Variants in KLC4 observed in about 807,000 individuals in gnomAD.
KLC4 encodes the protein kinesin light chain 4.
Under a neutral mutation model 77.2 loss-of-function variants are expected in KLC4, and 49 were observed. The observed-to-expected ratio is 0.63, with a 90% CI of 0.50 to 0.80. The LOEUF (loss-of-function observed/expected upper bound fraction) is 0.80, where lower values mean the gene tolerates loss of function less well. Among genes scored for constraint, KLC4 ranks in the 30% least tolerant of loss-of-function variants. KLC4 has a pLI of 0.00. For missense variants in KLC4, 669 were observed against 793.5 expected, an observed-to-expected ratio of 0.84 and a Z score of 1.89; for synonymous variants, 274 against 314.5, an observed-to-expected ratio of 0.87 and a Z score of 1.36.
At chr6:43,071,700 C>T in intron 10 of KLC4, 81 bp downstream of exon 10, 1 of 1,499,978 alleles carries the variant, frequency 6.7e-7, no homozygotes, top group Middle Eastern at 2.0e-4. Flanking sequence ...TAGCCCAACT[C>T]TCACTTCCCA....
intron 3 of KLC4, 81 bp from the exon 4 acceptor site, chr6:43,065,539 A>C: frequency 1.1e-6 from 1 of 923,606 alleles, no homozygotes; most frequent in Non-Finnish European, 1.8e-6. Flanking sequence ...TCTGTCTGTG[A>C]TTTCATGGCT....
chr6:43,064,547 T>C (rs1765321304), intron 3 of KLC4, among the ~76,000 whole-genome samples: 1 of 151,998 alleles, frequency 6.6e-6, no homozygotes, highest in Admixed American at 6.6e-5. Context: ...AACAAAAAAA[T>C]AGAGGAAGCA....
intron 8 of KLC4, 75 bp from the exon 9 acceptor site, chr6:43,071,200 T>TAA (rs540602192): frequency 5.0e-4 from 322 of 644,290 alleles, no homozygotes; most frequent in Non-Finnish European, 6.0e-4. Context: ...AGACCTTGTC[T>TAA]AAAAAAAAAA....
chr6:43,063,240 C>A, intron 3 of KLC4, 93 bp downstream of exon 3: 1 of 915,232 alleles, frequency 1.1e-6, no homozygotes, highest in Non-Finnish European at 1.7e-6. Context: ...CAGGGTCCAT[C>A]AGCTCTACCC....
rs374850475 is a variant in KLC4 at position 43,061,633 on chromosome 6, T to C, written c.258+40T>C. ...GTGGTGCCAAGTGGTCCAGGGTGGA[T>C]GGAGGAGCAGTTATCTGATTAAAGG... On this transcript the variant is annotated intron_variant, in intron 2 of 15. Transcript: ENST00000347162. 33 of 1,574,978 alleles carry C rather than the reference T, an allele frequency of 2.1e-5. No individual in the cohort carries two copies. The African/African-American group carries it at 3.5e-4, about 17-fold the overall frequency.
rs562679813 is a variant in KLC4 at position 43,074,392 on chromosome 6, A to G, written c.1810-230A>G. On this transcript the variant is annotated intron_variant, in intron 15 of 15. Transcript: ENST00000347162. ...ACTTCTTGTATCAACACACAAGTAT[A>G]TGCCAGTATTCATGTGGTTCTTCCA... 26 of 578,384 alleles carry G rather than the reference A, an allele frequency of 4.5e-5. No homozygotes were observed. In the East Asian group the frequency reaches 6.8e-4, roughly 15 times the overall value. The allele number at this position is 578,384 out of a possible 1,614,324, so 35.8% of individuals were successfully genotyped here.
chr6:43,070,716 G>A lies in KLC4; in HGVS notation c.1006G>A (p.Val336Met). ...EKVLGTNHPD[V>M]AKQLNNLALL... ...GGTCCTGGGCACGAATCATCCAGAT[G>A]TGGCAAAACAGCTGAACAACCTGGC... is the stretch of plus-strand genomic sequence containing the variant. Residue 336 changes from valine (V) to methionine (M), a missense_variant, in exon 8 of 16, where the codon GTG (valine) becomes ATG (methionine). Physicochemically the swap from Val to Met is conservative, Grantham distance 21 (BLOSUM62 1). Coordinates refer to ENST00000347162, the MANE Select transcript of KLC4 (RefSeq NM_201521.3). 6.2e-7 allele frequency: 1 copy of A among 1,613,660 alleles called. No individual in the cohort carries two copies. The highest frequency in any genetic ancestry group is 1.1e-5 in the South Asian group (1 of 91,078).
At chr6:43,068,300 C>T (rs1001398014) in intron 6 of KLC4, among the ~76,000 whole-genome samples, 4 of 150,204 alleles carry the variant, frequency 2.7e-5, no homozygotes, top group East Asian at 3.9e-4. Context: ...GGTGAAACCC[C>T]GTCTCTACTA....
At chr6:43,060,277 G>C (rs756183396) in intron 1 of KLC4, 2 of 1,613,780 alleles carry the variant, frequency 1.2e-6, no homozygotes, top group Non-Finnish European at 1.7e-6. Flanking sequence ...GCCTCTTGCT[G>C]TAGGTCTCTG....
chr6:43,062,782 G>A (rs1185621581), intron 2 of KLC4, 135 bp from the exon 3 acceptor site: 3 of 662,992 alleles, frequency 4.5e-6, no homozygotes, highest in African/African-American at 1.8e-5. Flanking sequence ...TTTGAAGGTA[G>A]CACCACTGCT....
At chr6:43,073,685 AG>A (rs1466375005) in intron 14 of KLC4, 6 of 577,878 alleles carry the variant, frequency 1.0e-5, no homozygotes, top group African/African-American at 9.5e-5. Flanking sequence ...ATGGTAAAGC[AG>A]GCAAGTAAAG....
At position 43,065,682 on chromosome 6, in the gene KLC4, A is replaced by G; in HGVS notation, c.552A>G (p.Glu184=). 1 of 1,613,354 alleles carries G rather than the reference A, an allele frequency of 6.2e-7. No homozygotes were observed. The highest frequency in any genetic ancestry group is 2.2e-5 in the East Asian group (1 of 44,886). Residue 184 remains glutamate, a synonymous_variant, in exon 4 of 16, where the codon GAA becomes GAG. Coordinates refer to ENST00000347162, the MANE Select transcript of KLC4 (RefSeq NM_201521.3). ...SLDDLFPNEE[E]EDPSNGLSRG... Reference sequence around the variant, plus strand: ...ATGACCTCTTTCCTAATGAGGAGGAAGAGGACCCCAGCAATGGCTGTGAGT... The same window carrying G: ...ATGACCTCTTTCCTAATGAGGAGGAGGAGGACCCCAGCAATGGCTGTGAGT...
chr6:43,060,244 C>T (rs1250658877), intron 1 of KLC4: 1 of 1,614,108 alleles, frequency 6.2e-7, no homozygotes, highest in Non-Finnish European at 8.5e-7. Context: ...ACCAGGTGTT[C>T]CTCCCTCCCC....
In KLC4 at chr6:43,070,384, C is replaced by CTCTA; in HGVS notation, c.912_915dup (p.Gly306LeufsTer50). On this transcript the variant is annotated frameshift_variant, in exon 7 of 16. Coordinates refer to ENST00000347162, the MANE Select transcript of KLC4 (RefSeq NM_201521.3). LOFTEE classifies it high-confidence loss of function. ...TGCCACACTCAACAATTTGGCTGTGCTCTATGGCAAAAGGGGCAAGTACAA... is the reference window on the plus strand; with the variant it reads ...TGCCACACTCAACAATTTGGCTGTGCTCTATCTATGGCAAAAGGGGCAAGTACAA... The CTCTA allele has an allele frequency of 6.2e-7, 1 of 1,614,090 alleles. No individual in the cohort carries two copies. The highest frequency in any genetic ancestry group is 1.3e-5 in the African/African-American group (1 of 75,030).
At chr6:43,072,297 C>A in intron 12 of KLC4, 42 bp downstream of exon 12, 1 of 1,474,374 alleles carries the variant, frequency 6.8e-7, no homozygotes, top group East Asian at 2.3e-5. Context: ...AGGGAAGGGC[C>A]CTGGGGATGA....
rs772295409 is a variant in KLC4 at position 43,073,212 on chromosome 6, C to A, written c.1630-11C>A. The A allele has an allele frequency of 2.3e-5, 37 of 1,609,272 alleles. No homozygotes were observed. The highest frequency in any genetic ancestry group is 3.1e-5 in the Non-Finnish European group (36 of 1,175,824). On this transcript the variant is annotated splice_polypyrimidine_tract_variant and intron_variant, in intron 13 of 15. Transcript: ENST00000347162. ...TCCTTGTAGCTTTCATTGCTCACTC[C>A]TTTCTGCCAGGATGGCAGTGGGACC...
chr6:43,066,899 T>TA, intron 5 of KLC4, 97 bp from the exon 6 acceptor site: 1 of 1,529,476 alleles, frequency 6.5e-7, no homozygotes, highest in Non-Finnish European at 8.8e-7. Flanking sequence ...CATGGAGGTC[T>TA]CCAATCCTTA....
At chr6:43,069,228 GTTTGTTTGT>G (rs1765606355) in intron 6 of KLC4, among the ~76,000 whole-genome samples, 1 of 151,618 alleles carries the variant, frequency 6.6e-6, no homozygotes, top group Non-Finnish European at 1.5e-5. Flanking sequence ...AAAATGAAAA[GTTTGTTTGT>G]TTTGTTTTGT....
At chr6:43,065,591 G>A (rs1241335839) in intron 3 of KLC4, 29 bp from the exon 4 acceptor site, 2 of 1,525,504 alleles carry the variant, frequency 1.3e-6, no homozygotes, top group Admixed American at 1.7e-5. Flanking sequence ...GGATATCTTG[G>A]CCCTTATATG....
Sources: allele counts gnomAD v4.1 joint callset (sites outside exome capture counted in the v4.1 genomes callset), GRCh38; gene constraint gnomAD v4.1.1; transcripts MANE v1.5; gene names NCBI Gene and HGNC (gene_info 2026-07-23, HGNC 2026-07-21).